AMPD1: variants seen among roughly 807,000 people sequenced by gnomAD.
The protein encoded by AMPD1 is AMP deaminase 1.
In AMPD1, 74 loss-of-function variants were observed where a neutral mutation model predicts 82.9. The observed-to-expected ratio is 0.89, with a 90% confidence interval of 0.74 to 1.08. The LOEUF (loss-of-function observed/expected upper bound fraction) is 1.08. Among genes scored for constraint, AMPD1 ranks in the 50% least tolerant of loss-of-function variants. AMPD1 has a pLI of 0.00. For synonymous variants in AMPD1, 333 were observed against 320.5 expected (o/e 1.04, Z -0.42); for missense variants, 881 against 924.5 (o/e 0.95, Z 0.61).
intron 5 of AMPD1, among the ~76,000 whole-genome samples, chr1:114,682,153 C>G (rs1658177046): frequency 6.6e-6 from 1 of 152,006 alleles, no homozygotes; most frequent in Admixed American, 6.6e-5. Context: ...CTGCTGTGCC[C>G]GAGGAAGGCA....
At chr1:114,677,551 C>A (rs1658026027) in intron 9 of AMPD1, 37 bp from the exon 10 acceptor site, 2 of 1,613,174 alleles carry the variant, frequency 1.2e-6, no homozygotes, top group Non-Finnish European at 1.7e-6. Context: ...CCAGGGATTC[C>A]CACAAGTTCC....
chr1:114,693,083 C>T (rs1035890649), intron 2 of AMPD1, among the ~76,000 whole-genome samples: 2 of 151,066 alleles, frequency 1.3e-5, no homozygotes, highest in Admixed American at 1.3e-4. Flanking sequence ...AGAGCTCACA[C>T]CTCTGCACTC....
chr1:114,680,416 G>A lies in AMPD1; in HGVS notation c.610C>T (p.Leu204=). 1 of 1,614,196 alleles carries A rather than the reference G, an allele frequency of 6.2e-7. No individual in the cohort carries two copies. Among genetic ancestry groups the A allele is most frequent in the South Asian group, 1.1e-5 (1 of 91,086 alleles). Residue 204 remains leucine, a synonymous_variant, in exon 6 of 16, where the codon CTG becomes TTG. Coordinates refer to ENST00000520113, the MANE Select transcript of AMPD1 (RefSeq NM_000036.3). ...PFRTDNLPEN[L]GYHLKMKDGV... is the part of the protein sequence containing the mutation. ...TCCTTCATTTTGAGGTGATAGCCCA[G>A]GTTTTCAGGAAGGTTGTCTGTTCGG...
In AMPD1 at chr1:114,683,778, G is replaced by T. The variant is rs1226334347; in HGVS notation, c.547+421C>A. ...GTAGTTAGGGGGCCAGAGGGTGTGG[G>T]CCTCAAATGCCAGGCTAAAGACTGG... On this transcript the variant is annotated intron_variant, in intron 5 of 15. Transcript: ENST00000520113. Among the ~76,000 whole-genome samples the T allele has an allele frequency of 2.0e-5, 3 of 152,144 alleles. No homozygotes were observed. In the East Asian group the frequency reaches 5.8e-4, roughly 29 times the overall value.
intron 7 of AMPD1, 122 bp downstream of exon 7, chr1:114,679,457 A>G: frequency 7.2e-7 from 1 of 1,384,382 alleles, no homozygotes; most frequent in Non-Finnish European, 1.0e-6. Flanking sequence ...TGTTTTTACT[A>G]AAATCCACTG....
At chr1:114,682,609 C>T (rs1446491619) in intron 5 of AMPD1, among the ~76,000 whole-genome samples, 2 of 149,360 alleles carry the variant, frequency 1.3e-5, no homozygotes, top group Non-Finnish European at 3.0e-5. Context: ...GACGGAGTCT[C>T]CCTCTGTCGC....
In AMPD1 at chr1:114,683,229, C is replaced by T. The variant is rs145267957; in HGVS notation, c.547+970G>A. ...AAGGCAAGAAATGATAGTATTTGGGCTGCCTCTTGAAAGATTGGGTTGGCT... is the reference window on the plus strand; with the variant it reads ...AAGGCAAGAAATGATAGTATTTGGGTTGCCTCTTGAAAGATTGGGTTGGCT... On this transcript the variant is annotated intron_variant, in intron 5 of 15. Transcript: ENST00000520113. 8.8e-4 allele frequency: 334 copies of T among 378,158 alleles called. 3 individuals carry two copies. Among genetic ancestry groups the T allele is most frequent in the Non-Finnish European group, 8.0e-4 (156 of 193,884 alleles). The allele number at this position is 378,158 out of a possible 1,614,324, so 23.4% of individuals were successfully genotyped here.
Position 114,677,446 on chromosome 1 carries a change from G to A in AMPD1, c.1293C>T (p.Arg431=), listed in dbSNP as rs1658021371. 6.2e-7 allele frequency: 1 copy of A among 1,612,882 alleles called. No individual in the cohort carries two copies. The highest frequency in any genetic ancestry group is 1.3e-5 in the African/African-American group (1 of 74,428). ...HAEPRLSIYG[R]SPDEWSKLSS... is the part of the protein sequence containing the mutation. ...AGAGTTTGCTCCACTCATCAGGACT[G>A]CGGCCATAGATGGACAGGCGGGGCT... The change falls in exon 10 of 16, where the codon CGC becomes CGT. Residue 431 remains arginine, a synonymous_variant. Transcript: ENST00000520113.
chr1:114,686,617 A>C, intron 4 of AMPD1, 128 bp downstream of exon 4: 1 of 930,434 alleles, frequency 1.1e-6, no homozygotes, highest in South Asian at 1.4e-5. Context: ...AAATGCAATA[A>C]TGAAGTGTAA....
In AMPD1 at chr1:114,679,563, C is replaced by T; in HGVS notation, c.897+16G>A. ...TTTTTGCCCAGGAATTACCCCTGAG[C>T]AACTAAAATGTTTACCTTCCTGCAG... On this transcript the variant is annotated intron_variant, in intron 7 of 15. Coordinates refer to ENST00000520113, the MANE Select transcript of AMPD1 (RefSeq NM_000036.3). The T allele has an allele frequency of 1.9e-6, 3 of 1,613,686 alleles. No individual in the cohort carries two copies. The highest frequency in any genetic ancestry group is 2.5e-6 in the Non-Finnish European group (3 of 1,179,796).
In AMPD1 at chr1:114,679,601, C is replaced by G; in HGVS notation, c.875G>C (p.Arg292Pro). The G allele has an allele frequency of 1.2e-6, 2 of 1,614,014 alleles. No individual in the cohort carries two copies. Among genetic ancestry groups the G allele is most frequent in the Non-Finnish European group, 1.7e-6 (2 of 1,179,964 alleles). ...TACCTTCCTGCAGTTATAAAAATCT[C>G]GGTGGGGGTTGTTTTTCAGCTCCTT... is the stretch of plus-strand genomic sequence containing the variant. ...ELKELKNNPH[R>P]DFYNCRKVDT... The change falls in exon 7 of 16, where the codon CGA (arginine) becomes CCA (proline). Residue 292 changes from arginine (R) to proline (P), a missense_variant. This residue lies in a region of AMPD1 where 783 missense variants were observed against 786.4 expected (regional missense o/e 1.00). Coordinates refer to ENST00000520113, the MANE Select transcript of AMPD1 (RefSeq NM_000036.3).
Position 114,684,331 on chromosome 1 carries a change from C to T in AMPD1, c.415G>A (p.Gly139Ser). ...TVEDFEIVCK[G>S]LYRALCIREK... The stretch of plus-strand genomic sequence containing the variant: ...CGTATGCATAGTGCCCGATACAGAC[C>T]TTTGCAAACAATTTCAAAATCTTCA... Residue 139 changes from glycine (G) to serine (S), a missense_variant, in exon 5 of 16, where the codon GGT becomes AGT. Around this residue, in one of 2 missense-constraint regions of AMPD1, gnomAD observed 783 missense variants for 786.4 expected, o/e 1.00. Coordinates refer to ENST00000520113, the MANE Select transcript of AMPD1 (RefSeq NM_000036.3). 1 of 1,613,804 alleles carries T rather than the reference C, an allele frequency of 6.2e-7. No individual in the cohort carries two copies. The highest frequency in any genetic ancestry group is 8.5e-7 in the Non-Finnish European group (1 of 1,179,984).
At chr1:114,695,354 T>G in intron 1 of AMPD1, 96 bp downstream of exon 1, 1 of 1,530,650 alleles carries the variant, frequency 6.5e-7, no homozygotes, top group Non-Finnish European at 8.9e-7. Context: ...CCTAAATGAA[T>G]GATCAAAGCT....
rs1470643467 is a variant in AMPD1, at chr1:114,677,885, A to G, written c.1224+25T>C. 3.1e-6 allele frequency: 5 copies of G among 1,606,026 alleles called. No individual in the cohort carries two copies. The East Asian group carries it at 1.1e-4, about 36-fold the overall frequency. On this transcript the variant is annotated intron_variant, in intron 9 of 15. Transcript: ENST00000520113. ...TTCCTCAAGAACCATGCCAGATACC[A>G]TAGATGTGATTGGTTCCGCCTCACC...
Position 114,684,272 on chromosome 1 carries a change from GA to G in AMPD1, c.473del (p.Phe158SerfsTer18). ...GCAAGTATTTGGAAGGGGTTTTAGG[GA>G]ACCTCTGAAACGACTTCTGCATGTA... ...EKYMQKSFQRFPKTPSKYLRN... is the reference protein window; with the variant it reads ...EKYMQKSFQRXPKTPSKYLRN... On this transcript the variant is annotated frameshift_variant, in exon 5 of 16. Transcript: ENST00000520113. LOFTEE classifies it high-confidence loss of function. 6.2e-7 allele frequency: 1 copy of G among 1,613,906 alleles called. No individual in the cohort carries two copies. Among genetic ancestry groups the G allele is most frequent in the Non-Finnish European group, 8.5e-7 (1 of 1,180,010 alleles).
At chr1:114,681,910 A>C (rs1213664009) in intron 5 of AMPD1, among the ~76,000 whole-genome samples, 1 of 152,198 alleles carries the variant, frequency 6.6e-6, no homozygotes, top group Non-Finnish European at 1.5e-5. Context: ...AAGAGATATA[A>C]AATAAATTAT....
At position 114,677,350 on chromosome 1, in the gene AMPD1, C is replaced by T. The variant is rs752269251; in HGVS notation, c.1388+1G>A. 4 of 1,609,742 alleles carry T rather than the reference C, an allele frequency of 2.5e-6. No individual in the cohort carries two copies. Among genetic ancestry groups the T allele is most frequent in the Non-Finnish European group, 3.4e-6 (4 of 1,179,072 alleles). On this transcript the variant is annotated splice_donor_variant, in intron 10 of 15. Transcript: ENST00000520113. LOFTEE classifies it high-confidence loss of function. ...AGAGTTTCTGATGGGCAGGTACATA[C>T]TAGATCCTGGGAACCTGGATCATCC...
rs759824860 is a variant in AMPD1 at position 114,673,256 on chromosome 1, A to T, written c.2102T>A (p.Leu701Gln). ...GCCTTCCTCAAGGTAATTGTCGCCC[A>T]GAAACTTTACTTTCTCCTATAAGAG... The part of the protein sequence containing the change: ...GISHEEKVKF[L>Q]GDNYLEEGPA... Residue 701 changes from leucine (L) to glutamine (Q), a missense_variant, in exon 16 of 16, where the codon CTG becomes CAG. Physicochemically the swap from Leu to Gln is moderately radical, Grantham distance 113. This residue lies in a region of AMPD1 where 98 missense variants were observed against 138.1 expected (regional missense o/e 0.71). Coordinates refer to ENST00000520113, the MANE Select transcript of AMPD1 (RefSeq NM_000036.3). The T allele has an allele frequency of 5.0e-6, 8 of 1,614,174 alleles. No individual in the cohort carries two copies. The highest frequency in any genetic ancestry group is 6.8e-6 in the Non-Finnish European group (8 of 1,179,998).
chr1:114,677,462 A>G lies in AMPD1; in HGVS notation c.1277T>C (p.Leu426Pro). ...ATCAGGACTGCGGCCATAGATGGAC[A>G]GGCGGGGCTCAGCATGCTGGTACTT... Reference protein sequence around the residue: ...EAKYQHAEPRLSIYGRSPDEW... With the variant: ...EAKYQHAEPRPSIYGRSPDEW... The change falls in exon 10 of 16, where the codon CTG (leucine) becomes CCG (proline). Residue 426 changes from leucine to proline, a missense_variant. By Grantham distance (98) the Leu-to-Pro change is moderately conservative. This residue lies in a region of AMPD1 where 783 missense variants were observed against 786.4 expected (regional missense o/e 1.00). Coordinates refer to ENST00000520113, the MANE Select transcript of AMPD1 (RefSeq NM_000036.3). 6.2e-7 allele frequency: 1 copy of G among 1,613,274 alleles called. No homozygotes were observed. Among genetic ancestry groups the G allele is most frequent in the Non-Finnish European group, 8.5e-7 (1 of 1,179,874 alleles).
Sources: gnomAD v4.1 joint callset for allele counts (sites outside exome capture counted in the v4.1 genomes callset) on GRCh38, gnomAD v4.1.1 for gene constraint, gnomAD v4.1.1 regional missense constraint, MANE v1.5 for transcripts, NCBI Gene and HGNC (gene_info 2026-07-23, HGNC 2026-07-21) for gene names.